SLC24A2: variants seen among roughly 807,000 people sequenced by gnomAD.
SLC24A2 encodes solute carrier family 24 member 2, also known as sodium/potassium/calcium exchanger 2.
A neutral mutation model predicts 62.0 loss-of-function variants in SLC24A2; 36 were observed. That is an observed-to-expected ratio of 0.58 (90% confidence interval 0.44 to 0.77). The LOEUF is 0.77. SLC24A2 is among the 30% of genes least tolerant of loss of function. The probability of loss-of-function intolerance (pLI) is 0.00; values close to 1 mark genes in which losing one functional copy is unlikely to be tolerated. For missense variants in SLC24A2, 846 were observed against 817.9 expected, an observed-to-expected ratio of 1.03 and a Z score of -0.42; for synonymous variants, 358 against 294.0, an observed-to-expected ratio of 1.22 and a Z score of -2.23.
At chr9:19,543,584 C>T (rs770853611) in intron 8 of SLC24A2, among the ~76,000 whole-genome samples, 8 of 152,018 alleles carry the variant, frequency 5.3e-5, no homozygotes, top group Non-Finnish European at 1.2e-4. Flanking sequence ...TATAAATTTC[C>T]CTCTACACAG....
chr9:20,280,501 T>A, the SLC24A2 span, among the ~76,000 whole-genome samples: 1 of 152,030 alleles, frequency 6.6e-6, no homozygotes, highest in Non-Finnish European at 1.5e-5. Flanking sequence ...ACCTCAGAAG[T>A]TGCCCTGAAT....
rs1392120595 is a variant in SLC24A2, at chr9:19,762,868, A to G, written c.930+23069T>C. ...TAATTCTGTGAAGAAAGTCAATGGT[A>G]GCTTGATGGGAATAGCATTGAATCT... is the stretch of plus-strand genomic sequence containing the variant. On this transcript the variant is annotated intron_variant, in intron 2 of 10. Coordinates refer to ENST00000341998, the MANE Select transcript of SLC24A2 (RefSeq NM_020344.4). Among the ~76,000 whole-genome samples the G allele has an allele frequency of 6.1e-5, 9 of 146,976 alleles. No individual in the cohort carries two copies. In the East Asian group the frequency reaches 1.8e-3, roughly 30 times the overall value.
the SLC24A2 span, among the ~76,000 whole-genome samples, chr9:19,995,941 G>A: frequency 5.3e-5 from 8 of 152,252 alleles, no homozygotes; most frequent in Non-Finnish European, 1.2e-4. Context: ...TATCTGGGGA[G>A]AAAGGTAGAC....
At chr9:19,805,256 G>A in the SLC24A2 span, among the ~76,000 whole-genome samples, 1 of 152,050 alleles carries the variant, frequency 6.6e-6, no homozygotes. Context: ...ATTTTCTAAG[G>A]ATGCTTATGT....
At chr9:20,284,833 A>T in the SLC24A2 span, among the ~76,000 whole-genome samples, 3 of 152,182 alleles carry the variant, frequency 2.0e-5, no homozygotes, top group Non-Finnish European at 4.4e-5. Context: ...AAATAGAAAC[A>T]AAAGGATTGT....
chr9:19,710,200 T>C (rs932254670), intron 2 of SLC24A2, among the ~76,000 whole-genome samples: 1 of 152,156 alleles, frequency 6.6e-6, no homozygotes, highest in Non-Finnish European at 1.5e-5. Flanking sequence ...GATTAATTCA[T>C]CATTCAACAA....
the SLC24A2 span, among the ~76,000 whole-genome samples, chr9:19,825,955 T>C: frequency 3.3e-5 from 5 of 152,164 alleles, no homozygotes; most frequent in South Asian, 6.2e-4. Context: ...CTATTGCCCA[T>C]TGAGGTGTGA....
the SLC24A2 span, among the ~76,000 whole-genome samples, chr9:20,061,246 G>T: frequency 3.3e-5 from 5 of 151,040 alleles, 1 homozygote; most frequent in East Asian, 9.7e-4. Flanking sequence ...TGGATCAGTG[G>T]AACAGAAGTC....
chr9:20,304,608 G>C, the SLC24A2 span, among the ~76,000 whole-genome samples: 5 of 152,126 alleles, frequency 3.3e-5, no homozygotes, highest in African/African-American at 1.2e-4. Context: ...TTACCCATCA[G>C]AATAAACATA....
At chr9:20,161,562 G>T in the SLC24A2 span, among the ~76,000 whole-genome samples, 1 of 151,060 alleles carries the variant, frequency 6.6e-6, no homozygotes, top group African/African-American at 2.4e-5. Context: ...ATGAAAGGAT[G>T]GTTCAATATG....
the SLC24A2 span, among the ~76,000 whole-genome samples, chr9:19,800,167 T>C: frequency 6.6e-6 from 1 of 152,180 alleles, no homozygotes; most frequent in Non-Finnish European, 1.5e-5. Flanking sequence ...GAGTAGATCA[T>C]GTTCTGAGGT....
chr9:19,618,939 G>A (rs929976950), intron 4 of SLC24A2, among the ~76,000 whole-genome samples: 4 of 152,190 alleles, frequency 2.6e-5, no homozygotes, highest in African/African-American at 9.7e-5. Flanking sequence ...GCCTCATTGT[G>A]ACTGAGTAAC....
At chr9:20,249,188 G>T in the SLC24A2 span, among the ~76,000 whole-genome samples, 8 of 152,156 alleles carry the variant, frequency 5.3e-5, no homozygotes, top group African/African-American at 9.7e-5. Context: ...AACTAACCTG[G>T]TTGCCTCAAA....
the SLC24A2 span, among the ~76,000 whole-genome samples, chr9:20,174,690 T>C: frequency 6.6e-6 from 1 of 151,656 alleles, no homozygotes; most frequent in African/African-American, 2.4e-5. Flanking sequence ...TAAACAAAAA[T>C]TAAAAAATAA....
chr9:19,800,071 G>C, the SLC24A2 span, among the ~76,000 whole-genome samples: 2 of 152,002 alleles, frequency 1.3e-5, no homozygotes, highest in African/African-American at 4.8e-5. Flanking sequence ...TTTCTTTTCT[G>C]TGTATCTCTC....
chr9:19,839,881 T>C, the SLC24A2 span, among the ~76,000 whole-genome samples: 1 of 152,152 alleles, frequency 6.6e-6, no homozygotes, highest in South Asian at 2.1e-4. Context: ...TTAATTACAG[T>C]AGCATATACT....
At chr9:20,145,883 T>C in the SLC24A2 span, among the ~76,000 whole-genome samples, 11 of 151,782 alleles carry the variant, frequency 7.2e-5, no homozygotes, top group African/African-American at 2.4e-4. Flanking sequence ...TATATATAGA[T>C]ATAAAATTTG....
At chr9:19,579,534 A>G (rs917771501) in intron 5 of SLC24A2, among the ~76,000 whole-genome samples, 2 of 152,232 alleles carry the variant, frequency 1.3e-5, no homozygotes, top group African/African-American at 4.8e-5. Flanking sequence ...AAATCATCCC[A>G]TCATGGTCTC....
chr9:19,600,336 C>T (rs1836810158), intron 4 of SLC24A2, among the ~76,000 whole-genome samples: 2 of 152,202 alleles, frequency 1.3e-5, no homozygotes, highest in African/African-American at 4.8e-5. Context: ...ATTACTACCC[C>T]TCTAACTCTG....
Sources: allele counts gnomAD v4.1 joint callset (sites outside exome capture counted in the v4.1 genomes callset), GRCh38; gene constraint gnomAD v4.1.1; transcripts MANE v1.5; gene names NCBI Gene and HGNC (gene_info 2026-07-23, HGNC 2026-07-21).